QTGAL: variants seen among roughly 807,000 people sequenced by gnomAD.
The protein encoded by QTGAL is queuosine-tRNA galactosyltransferase, also known as BGnT-like protein 1.
chr17:82,962,682 T>C, the QTGAL span, among the ~76,000 whole-genome samples: 1 of 152,106 alleles, frequency 6.6e-6, no homozygotes, highest in East Asian at 1.9e-4. Flanking sequence ...AGGTATTTTC[T>C]TTAATTTTCT....
the QTGAL span, chr17:82,944,762 T>C: frequency 6.6e-6 from 1 of 152,200 alleles, no homozygotes; most frequent in Non-Finnish European, 1.5e-5. Context: ...GCAGAGACCT[T>C]GGAGATCCTG....
chr17:82,947,012 C>G, the QTGAL span: 3 of 1,548,550 alleles, frequency 1.9e-6, no homozygotes, highest in South Asian at 3.6e-5. Context: ...TCAGCTCAGT[C>G]CGGTCTCCTG....
the QTGAL span, among the ~76,000 whole-genome samples, chr17:82,980,272 G>C: frequency 6.6e-6 from 1 of 152,286 alleles, no homozygotes; most frequent in Non-Finnish European, 1.5e-5. Flanking sequence ...TGGATGAAAA[G>C]GGAAGCCCCC....
the QTGAL span, among the ~76,000 whole-genome samples, chr17:83,028,753 G>A: frequency 6.6e-6 from 1 of 152,180 alleles, no homozygotes; most frequent in Middle Eastern, 3.2e-3. Flanking sequence ...TCCCTCTGAT[G>A]TGCCAATTCC....
chr17:83,021,982 A>ATTCTTC, the QTGAL span, among the ~76,000 whole-genome samples: 2 of 152,138 alleles, frequency 1.3e-5, no homozygotes, highest in African/African-American at 4.8e-5. Flanking sequence ...TGCTGGAAAA[A>ATTCTTC]CCGGACATCA....
chr17:82,993,914 T>C, the QTGAL span, among the ~76,000 whole-genome samples: 1 of 152,044 alleles, frequency 6.6e-6, no homozygotes. Flanking sequence ...GACAAGTGGG[T>C]CAATGAAGAA....
At chr17:83,033,706 C>T in the QTGAL span, among the ~76,000 whole-genome samples, 1 of 151,918 alleles carries the variant, frequency 6.6e-6, no homozygotes. Flanking sequence ...CTCCTGACCT[C>T]GTGATCCACC....
the QTGAL span, among the ~76,000 whole-genome samples, chr17:82,966,057 G>C: frequency 0.84 from 126,666 of 151,136 alleles, 53,201 homozygotes; most frequent in East Asian, 0.9. Context: ...CCACAGGCGT[G>C]TGCCACCACA....
At chr17:83,012,642 C>G in the QTGAL span, among the ~76,000 whole-genome samples, 15 of 152,198 alleles carry the variant, frequency 9.9e-5, no homozygotes, top group Non-Finnish European at 2.1e-4. Flanking sequence ...GGGCAGCTAA[C>G]GTGGCAGGGA....
the QTGAL span, among the ~76,000 whole-genome samples, chr17:83,051,446 C>T: frequency 6.6e-6 from 1 of 152,248 alleles, no homozygotes; most frequent in Non-Finnish European, 1.5e-5. Flanking sequence ...GCTTCAAAAT[C>T]AGAACGAGGA....
chr17:82,984,136 G>C, the QTGAL span, among the ~76,000 whole-genome samples: 1 of 105,344 alleles, frequency 9.5e-6, no homozygotes, highest in Non-Finnish European at 1.9e-5. Context: ...GGCCACGTGA[G>C]GACGTGGGGG....
chr17:82,948,521 CCACACCATGCACAGCGATACGCA>C, the QTGAL span: 1 of 152,270 alleles, frequency 6.6e-6, no homozygotes, highest in East Asian at 1.9e-4. Flanking sequence ...TGGAGAAAGT[CCACACCATGCACAGCGATACGCA>C]CACACCCCAA....
At chr17:82,983,257 G>A in the QTGAL span, among the ~76,000 whole-genome samples, 1 of 152,218 alleles carries the variant, frequency 6.6e-6, no homozygotes, top group African/African-American at 2.4e-5. Flanking sequence ...TCCAGTCTGG[G>A]CGACAGAGCG....
the QTGAL span, chr17:82,981,359 G>A: frequency 6.6e-6 from 1 of 152,256 alleles, no homozygotes; most frequent in Non-Finnish European, 1.5e-5. Context: ...CCCCAGCGGA[G>A]CTGCGAGGGT....
At chr17:82,994,885 A>G in the QTGAL span, among the ~76,000 whole-genome samples, 9 of 152,254 alleles carry the variant, frequency 5.9e-5, no homozygotes, top group Admixed American at 1.3e-4. Context: ...ATAGTTCAAC[A>G]TATGCAAATC....
chr17:83,006,611 G>A, the QTGAL span: 1 of 983,444 alleles, frequency 1.0e-6, no homozygotes, highest in Non-Finnish European at 1.2e-6. This position sits in a 1 kb window ranked among gnomAD's most constrained non-coding sequence, Gnocchi z 5.8. Flanking sequence ...GGCAGCCGCT[G>A]TGCTATCCCG....
the QTGAL span, among the ~76,000 whole-genome samples, chr17:83,001,529 A>G: frequency 1.5e-5 from 2 of 133,206 alleles, no homozygotes; most frequent in Non-Finnish European, 3.0e-5. Flanking sequence ...AAGTCAACAC[A>G]GGGTGTAGGA....
the QTGAL span, among the ~76,000 whole-genome samples, chr17:82,959,822 G>A: frequency 0.041 from 6,294 of 152,098 alleles, 304 homozygotes; most frequent in Admixed American, 0.11. Flanking sequence ...TTGGCCCATC[G>A]TAGGAAGGTA....
the QTGAL span, chr17:83,035,237 T>G: frequency 9.1e-6 from 6 of 659,924 alleles, no homozygotes; most frequent in Admixed American, 3.3e-5. Context: ...TGGAGTGCAG[T>G]GGCGTGATTT....
Sources: gnomAD v4.1 joint callset for allele counts (sites outside exome capture counted in the v4.1 genomes callset) on GRCh38, gnomAD v4.1.1 for gene constraint, Gnocchi (gnomAD v3.1) non-coding constraint, MANE v1.5 for transcripts, NCBI Gene and HGNC (gene_info 2026-07-23, HGNC 2026-07-21) for gene names.